The following NEK10 variants were observed in gnomAD, a reference collection of about 807,000 sequenced individuals.
NEK10 encodes the protein NIMA related kinase 10.
Under a neutral mutation model 159.8 loss-of-function variants are expected in NEK10, and 122 were observed. The ratio of observed to expected loss-of-function variants is 0.76; its 90% CI spans 0.66 to 0.89. The LOEUF (loss-of-function observed/expected upper bound fraction) is 0.89, where lower values mean the gene tolerates loss of function less well. Ranked by LOEUF, NEK10 falls within the 40% of genes least tolerant of loss-of-function variation. The pLI, the probability that NEK10 is intolerant of heterozygous loss-of-function variation, is 0.00. For synonymous variants in NEK10, 466 were observed against 457.1 expected, an observed-to-expected ratio of 1.02 and a Z score of -0.25; for missense variants, 1,342 against 1,323.1, an observed-to-expected ratio of 1.01 and a Z score of -0.22.
chr3:27,270,835 T>C (rs370672346), intron 22 of NEK10, among the ~76,000 whole-genome samples: 1 of 152,142 alleles, frequency 6.6e-6, no homozygotes, highest in African/African-American at 2.4e-5. Context: ...TACACGACCA[T>C]ACATGATCTG....
chr3:27,311,303 T>A, intron 8 of NEK10: 1 of 234,382 alleles, frequency 4.3e-6, no homozygotes, highest in Non-Finnish European at 8.2e-6. Flanking sequence ...TCATTACCAG[T>A]TCAAAGTGAG....
chr3:27,223,873 AAATT>A (rs1469989855), intron 23 of NEK10, among the ~76,000 whole-genome samples: 3 of 152,204 alleles, frequency 2.0e-5, no homozygotes, highest in African/African-American at 7.2e-5. Context: ...ACTCAAAACT[AAATT>A]AATCACTTCC....
intron 7 of NEK10, among the ~76,000 whole-genome samples, chr3:27,313,928 T>C (rs1345137333): frequency 6.6e-6 from 1 of 152,106 alleles, no homozygotes; most frequent in African/African-American, 2.4e-5. Flanking sequence ...GCCAGGCTGG[T>C]CTCAAACTCC....
chr3:27,340,273 C>T (rs537885832), intron 5 of NEK10, among the ~76,000 whole-genome samples: 49 of 152,218 alleles, frequency 3.2e-4, no homozygotes, highest in African/African-American at 9.9e-4. Context: ...AACCAAACAC[C>T]GCATGTTCTC....
chr3:27,269,054 G>A (rs772214324), intron 22 of NEK10, among the ~76,000 whole-genome samples: 10 of 152,126 alleles, frequency 6.6e-5, no homozygotes, highest in African/African-American at 9.7e-5. Flanking sequence ...AATTAGAATC[G>A]GAGCCTGAAG....
chr3:27,327,474 G>T (rs1163308412), intron 5 of NEK10, among the ~76,000 whole-genome samples: 1 of 152,138 alleles, frequency 6.6e-6, no homozygotes, highest in Non-Finnish European at 1.5e-5. Flanking sequence ...CTGCCATTCT[G>T]CTGTCAGCAT....
intron 28 of NEK10, among the ~76,000 whole-genome samples, chr3:27,173,080 T>C (rs60674213): frequency 0.096 from 14,652 of 152,216 alleles, 2,330 homozygotes; most frequent in African/African-American, 0.33. Flanking sequence ...ACTGTAAAAA[T>C]TGTCTTTGAT....
intron 15 of NEK10, among the ~76,000 whole-genome samples, chr3:27,294,972 C>T (rs969361877): frequency 6.6e-6 from 1 of 152,122 alleles, no homozygotes; most frequent in African/African-American, 2.4e-5. Context: ...CACCCCAGTT[C>T]CACTGAGCAG....
intron 22 of NEK10, among the ~76,000 whole-genome samples, chr3:27,261,552 C>T (rs1366505260): frequency 6.6e-6 from 1 of 152,178 alleles, no homozygotes; most frequent in Non-Finnish European, 1.5e-5. Context: ...ATTCTTAATC[C>T]TGAGTTCTAG....
chr3:27,327,265 T>TG (rs138580371), intron 5 of NEK10, among the ~76,000 whole-genome samples: 7,933 of 152,232 alleles, frequency 0.052, 392 homozygotes, highest in African/African-American at 0.13. Context: ...CAGAGTGGCA[T>TG]GGGGGCAGCC....
chr3:27,263,235 G>A (rs376384774), intron 22 of NEK10, among the ~76,000 whole-genome samples: 3 of 152,296 alleles, frequency 2.0e-5, no homozygotes, highest in Non-Finnish European at 2.9e-5. Context: ...CTACTAGGGG[G>A]TGCCTCCCAG....
chr3:27,141,675 C>T (rs1254864126), intron 30 of NEK10, 93 bp from the exon 31 acceptor site: 1 of 871,250 alleles, frequency 1.1e-6, no homozygotes, highest in Non-Finnish European at 1.9e-6. Context: ...AATTTTAAAG[C>T]AAAGACTTCA....
intron 26 of NEK10, among the ~76,000 whole-genome samples, chr3:27,191,695 C>T (rs1949136329): frequency 1.3e-5 from 2 of 152,226 alleles, no homozygotes; most frequent in East Asian, 3.9e-4. Context: ...ATACATATTC[C>T]CAAAAGTTGC....
At chr3:27,188,389 A>T (rs995351803) in intron 26 of NEK10, among the ~76,000 whole-genome samples, 1 of 152,226 alleles carries the variant, frequency 6.6e-6, no homozygotes, top group East Asian at 1.9e-4. Flanking sequence ...TATACCAAGC[A>T]TAATGCCTTA....
At chr3:27,111,751 G>C (rs1331971056) in intron 35 of NEK10, among the ~76,000 whole-genome samples, 1 of 152,052 alleles carries the variant, frequency 6.6e-6, no homozygotes, top group Non-Finnish European at 1.5e-5. Context: ...TAATACATAA[G>C]TATATTCATA....
intron 23 of NEK10, among the ~76,000 whole-genome samples, chr3:27,248,472 T>G (rs551844772): frequency 2.0e-5 from 3 of 152,194 alleles, no homozygotes; most frequent in Non-Finnish European, 4.4e-5. Context: ...GAAGTTTTTC[T>G]TCTTTTTGGT....
chr3:27,122,248 C>T (rs531603071), intron 32 of NEK10, among the ~76,000 whole-genome samples: 23 of 152,158 alleles, frequency 1.5e-4, no homozygotes, highest in Non-Finnish European at 2.8e-4. Flanking sequence ...TCTCTCCTGC[C>T]GCCCAGTGAA....
At chr3:27,118,828 G>A (rs1559476236) in intron 33 of NEK10, among the ~76,000 whole-genome samples, 1 of 152,162 alleles carries the variant, frequency 6.6e-6, no homozygotes, top group Non-Finnish European at 1.5e-5. Context: ...ATAGGGTTTA[G>A]CTTTATCCCA....
intron 30 of NEK10, among the ~76,000 whole-genome samples, chr3:27,162,039 G>A (rs150662439): frequency 1.3e-3 from 196 of 151,870 alleles, no homozygotes; most frequent in South Asian, 2.3e-3. Flanking sequence ...ACATAAATAA[G>A]TAAAAGATAA....
Sources: allele counts gnomAD v4.1 joint callset (sites outside exome capture counted in the v4.1 genomes callset), GRCh38; gene constraint gnomAD v4.1.1; transcripts MANE v1.5; gene names NCBI Gene and HGNC (gene_info 2026-07-23, HGNC 2026-07-21).